CTPS2: variants seen among roughly 807,000 people sequenced by gnomAD.
The protein encoded by CTPS2 is CTP synthase II.
CTPS2 carries 19 observed loss-of-function variants against 46.8 expected under a neutral mutation model. The ratio of observed to expected loss-of-function variants is 0.41; its 90% CI spans 0.28 to 0.60. CTPS2 has a LOEUF of 0.60. Ranked by LOEUF, CTPS2 falls within the 20% of genes least tolerant of loss-of-function variation. CTPS2 has a pLI of 0.35. For synonymous variants in CTPS2, 151 were observed against 165.2 expected (o/e 0.91, Z 0.66); for missense variants, 286 against 447.6 (o/e 0.64, Z 3.26).
chrX:16,703,007 A>T, intron 1 of CTPS2, 66 bp from the exon 2 acceptor site: 9 of 619,479 alleles, frequency 1.5e-5, no homozygotes, highest in South Asian at 3.7e-5. Context: ...CAGACAGTGT[A>T]TTCAACCAGA....
chrX:16,676,167 G>A lies in CTPS2; in HGVS notation c.1094+2195C>T, dbSNP rs184038453. ...TTGCAACAGGACACAATTGGAGGGA[G>A]AAACTGGTTATATTACCAAGGCTTT... is the stretch of plus-strand genomic sequence containing the variant. On this transcript the variant is annotated intron_variant, in intron 10 of 18. Coordinates refer to ENST00000359276, the MANE Select transcript of CTPS2 (RefSeq NM_175859.3). Among the ~76,000 whole-genome samples, 363 of 112,269 alleles carry A rather than the reference G, an allele frequency of 3.2e-3. 1 individual carries two copies. Among genetic ancestry groups the A allele is most frequent in the Non-Finnish European group, 5.3e-3 (280 of 53,275 alleles).
chrX:16,612,849 C>T (rs767729390), intron 16 of CTPS2, among the ~76,000 whole-genome samples: 2 of 112,151 alleles, frequency 1.8e-5, no homozygotes, highest in South Asian at 3.7e-4. Context: ...CTTTGCACTC[C>T]GGTGTCCTCT....
intron 13 of CTPS2, among the ~76,000 whole-genome samples, chrX:16,655,045 C>A (rs1294880171): frequency 3.6e-5 from 4 of 111,926 alleles, no homozygotes; most frequent in Middle Eastern, 8.3e-3. Context: ...CAGAATCACC[C>A]TGTTGCTTGC....
At chrX:16,656,871 G>C (rs1482664314) in intron 13 of CTPS2, among the ~76,000 whole-genome samples, 1 of 105,322 alleles carries the variant, frequency 9.5e-6, no homozygotes, top group Non-Finnish European at 2.0e-5. Flanking sequence ...GGGTTTTTTT[G>C]TGTTTTTTTG....
chrX:16,705,136 A>G (rs757838188), intron 1 of CTPS2, among the ~76,000 whole-genome samples: 16 of 109,040 alleles, frequency 1.5e-4, no homozygotes, highest in African/African-American at 4.4e-4. Context: ...TGAGCCTAAA[A>G]TTACTCTAAA....
chrX:16,608,205 C>A (rs768203483), intron 17 of CTPS2, among the ~76,000 whole-genome samples: 72 of 110,688 alleles, frequency 6.5e-4, no homozygotes, highest in Non-Finnish European at 1.2e-3. Context: ...AGAGCAAGAC[C>A]CTGTCCCTAA....
At chrX:16,618,777 G>A (rs934181801) in intron 15 of CTPS2, among the ~76,000 whole-genome samples, 2 of 111,873 alleles carry the variant, frequency 1.8e-5, no homozygotes, top group Non-Finnish European at 3.8e-5. Context: ...CATATCATTT[G>A]CAATTATTCA....
chrX:16,662,371 C>A (rs1389099341), intron 13 of CTPS2, among the ~76,000 whole-genome samples: 1 of 111,581 alleles, frequency 9.0e-6, no homozygotes, highest in Non-Finnish European at 1.9e-5. Context: ...AAAGAGTCTA[C>A]CTTAACCCTT....
At chrX:16,645,317 T>C (rs1272462400) in intron 13 of CTPS2, among the ~76,000 whole-genome samples, 1 of 110,731 alleles carries the variant, frequency 9.0e-6, no homozygotes, top group Non-Finnish European at 1.9e-5. Context: ...GTTTTAAGTG[T>C]ATTAAAAACT....
chrX:16,638,924 A>G (rs770358059), intron 14 of CTPS2: 2 of 528,504 alleles, frequency 3.8e-6, no homozygotes, highest in Non-Finnish European at 7.1e-6. Context: ...AGGGGCATTC[A>G]GTGTGTTCTA....
intron 13 of CTPS2, among the ~76,000 whole-genome samples, chrX:16,662,219 A>C (rs1487287312): frequency 9.0e-6 from 1 of 110,711 alleles, no homozygotes; most frequent in Non-Finnish European, 1.9e-5. Context: ...ACTTTGAAGC[A>C]GGGCAAAAAA....
In CTPS2 at chrX:16,674,649, T is replaced by C. The variant is rs763012229; in HGVS notation, c.1094+3713A>G. Among the ~76,000 whole-genome samples the C allele has an allele frequency of 3.5e-3, 355 of 102,775 alleles. 2 individuals carry two copies. Among genetic ancestry groups the C allele is most frequent in the African/African-American group, 0.011 (310 of 27,774 alleles). The allele number at this position is 102,775 out of a possible 115,157, so 89.2% of individuals were successfully genotyped here. On this transcript the variant is annotated intron_variant, in intron 10 of 18. Coordinates refer to ENST00000359276, the MANE Select transcript of CTPS2 (RefSeq NM_175859.3). ...GTCAGGAGATCGAGACCATCCTGGC[T>C]AACACGGTGAAACCCCGTCTCTACT...
chrX:16,606,795 T>C (rs1284866243), intron 17 of CTPS2, among the ~76,000 whole-genome samples: 1 of 110,619 alleles, frequency 9.0e-6, no homozygotes, highest in Non-Finnish European at 1.9e-5. Flanking sequence ...AGGGTCTCCC[T>C]CTGTCGCCCA....
intron 1 of CTPS2, among the ~76,000 whole-genome samples, chrX:16,707,042 C>A (rs867405717): frequency 7.6e-4 from 68 of 89,395 alleles, no homozygotes; most frequent in African/African-American, 1.2e-3. Flanking sequence ...GACTCTGTCT[C>A]AAAAAAAAAA....
At chrX:16,598,844 A>G (rs1929460775) in intron 17 of CTPS2, among the ~76,000 whole-genome samples, 1 of 111,698 alleles carries the variant, frequency 9.0e-6, no homozygotes, top group Non-Finnish European at 1.9e-5. Flanking sequence ...GCAGCACATC[A>G]AAAAGCTTAT....
At chrX:16,644,058 C>T (rs776947663) in intron 13 of CTPS2, among the ~76,000 whole-genome samples, 7 of 111,619 alleles carry the variant, frequency 6.3e-5, no homozygotes, top group Non-Finnish European at 1.3e-4. Context: ...CTCCCCTACC[C>T]TAAAGATATC....
At chrX:16,592,752 T>C (rs950940957) in intron 17 of CTPS2, among the ~76,000 whole-genome samples, 3 of 112,219 alleles carry the variant, frequency 2.7e-5, no homozygotes, top group Non-Finnish European at 3.8e-5. Flanking sequence ...GCGTGAAAGT[T>C]TTCCCTTCCA....
intron 17 of CTPS2, among the ~76,000 whole-genome samples, chrX:16,598,020 CT>C (rs1351924173): frequency 9.2e-6 from 1 of 108,551 alleles, no homozygotes; most frequent in Non-Finnish European, 1.9e-5. Flanking sequence ...TATAAGAATG[CT>C]TGTGATTTTT....
At chrX:16,644,323 A>T (rs1208705971) in intron 13 of CTPS2, among the ~76,000 whole-genome samples, 2 of 110,068 alleles carry the variant, frequency 1.8e-5, no homozygotes, top group African/African-American at 3.3e-5. Context: ...TTTTTTGTAG[A>T]GATGGGGTTT....
Sources: allele counts gnomAD v4.1 joint callset (sites outside exome capture counted in the v4.1 genomes callset), GRCh38; gene constraint gnomAD v4.1.1; transcripts MANE v1.5; gene names NCBI Gene and HGNC (gene_info 2026-07-23, HGNC 2026-07-21).